The following DLG1 variants were observed in gnomAD, a reference collection of about 807,000 sequenced individuals.
The protein encoded by DLG1 is discs large MAGUK scaffold protein 1.
Under a neutral mutation model 123.4 loss-of-function variants are expected in DLG1, and 42 were observed. The ratio of observed to expected loss-of-function variants is 0.34; its 90% CI spans 0.27 to 0.44. The LOEUF is 0.44. Among genes scored for constraint, DLG1 ranks in the 20% least tolerant of loss-of-function variants. The pLI is 1.00. For missense variants in DLG1, 942 were observed against 1,082.6 expected (o/e 0.87, Z 1.82); for synonymous variants, 317 against 356.2 (o/e 0.89, Z 1.24).
intron 13 of DLG1, among the ~76,000 whole-genome samples, chr3:197,111,677 T>G (rs575037478): frequency 1.3e-5 from 2 of 152,230 alleles, no homozygotes; most frequent in East Asian, 1.9e-4. Context: ...TGTTCAACTG[T>G]GCACTTCTAT....
chr3:197,234,957 T>C lies in DLG1; in HGVS notation c.319-40368A>G, dbSNP rs185496096. 3.7e-3 allele frequency among the ~76,000 whole-genome samples: 561 copies of C among 152,050 alleles called. 4 individuals are homozygous for C. The highest frequency in any genetic ancestry group is 0.012 in the African/African-American group (492 of 41,468). On this transcript the variant is annotated intron_variant, in intron 4 of 24. Transcript: ENST00000667157. ...AAATCTATTGTGAAATTAAACAGGA[T>C]CTAAATAAACAAAATATGAAAAAAC...
chr3:197,113,182 G>A (rs1771074099), intron 13 of DLG1, among the ~76,000 whole-genome samples: 1 of 152,030 alleles, frequency 6.6e-6, no homozygotes, highest in Non-Finnish European at 1.5e-5. Context: ...TGGCCCTCTG[G>A]TACTATTTAA....
chr3:197,254,927 G>A (rs1756127359), intron 4 of DLG1, among the ~76,000 whole-genome samples: 1 of 151,890 alleles, frequency 6.6e-6, no homozygotes. Flanking sequence ...GTGGTGGCAC[G>A]TGCTTGTAAT....
chr3:197,047,931 C>T (rs554532438), intron 24 of DLG1, among the ~76,000 whole-genome samples: 1 of 152,204 alleles, frequency 6.6e-6, no homozygotes, highest in Non-Finnish European at 1.5e-5. Context: ...AAAAAATCTA[C>T]ACAGCAAAGG....
chr3:197,209,619 G>C lies in DLG1; in HGVS notation c.319-15030C>G, dbSNP rs1464550346. Reference sequence around the variant, plus strand: ...TTTGCCAATACAGACCATATGCTAGGCCACAAAACAAGTCACAAATTTAAA... The same window carrying C: ...TTTGCCAATACAGACCATATGCTAGCCCACAAAACAAGTCACAAATTTAAA... On this transcript the variant is annotated intron_variant, in intron 4 of 24. Transcript: ENST00000667157. Among the ~76,000 whole-genome samples the C allele has an allele frequency of 1.4e-5, 2 of 146,352 alleles. 1 individual carries two copies. The highest frequency in any genetic ancestry group is 3.1e-5 in the Non-Finnish European group (2 of 65,126).
chr3:197,145,957 TCCA>T (rs1456309982), intron 6 of DLG1, among the ~76,000 whole-genome samples: 4 of 151,480 alleles, frequency 2.6e-5, no homozygotes, highest in Non-Finnish European at 4.4e-5. Flanking sequence ...GCTACTGTAC[TCCA>T]ACCTGGGCAA....
chr3:197,119,346 G>C, intron 12 of DLG1, 64 bp downstream of exon 12: 1 of 1,415,048 alleles, frequency 7.1e-7, no homozygotes, highest in African/African-American at 1.4e-5. Flanking sequence ...TATCTTACAT[G>C]GCTGATTAAA....
At position 197,194,533 on chromosome 3, in the gene DLG1, GATTTGTGGGGAA is replaced by G. The variant is rs1479511896; in HGVS notation, c.363_374del (p.Ser122_Ile125del). On this transcript the variant is annotated inframe_deletion, in exon 5 of 25. Transcript: ENST00000667157. Reference sequence around the variant, plus strand: ...ATTCTGGACCTATCACTTCATTTGTGATTTGTGGGGAAATATGCTCTTGAGGAGGTGTATCTT... The same window carrying G: ...ATTCTGGACCTATCACTTCATTTGTGATATGCTCTTGAGGAGGTGTATCTT... 7.5e-6 allele frequency: 12 copies of G among 1,605,272 alleles called. No individual in the cohort carries two copies. The South Asian group carries it at 1.3e-4, about 18-fold the overall frequency.
In DLG1 at chr3:197,295,774, A is replaced by G. The variant is rs905646096; in HGVS notation, c.151+572T>C. 3.9e-5 allele frequency among the ~76,000 whole-genome samples: 6 copies of G among 152,214 alleles called. No homozygotes were observed. In the East Asian group the frequency reaches 5.8e-4, roughly 15 times the overall value. ...TCAATTAGTGGCAAAAGAACTCAGG[A>G]CTCTTATTTTTCCAGTTCTTTCAAA... On this transcript the variant is annotated intron_variant, in intron 3 of 24. Transcript: ENST00000667157.
intron 14 of DLG1, among the ~76,000 whole-genome samples, chr3:197,103,355 C>A (rs1227237034): frequency 6.6e-6 from 1 of 151,980 alleles, no homozygotes; most frequent in East Asian, 1.9e-4. Flanking sequence ...CGTAACCATA[C>A]CTAAAAAGTT....
chr3:197,097,729 C>T (rs576063064), intron 14 of DLG1, among the ~76,000 whole-genome samples: 12 of 151,548 alleles, frequency 7.9e-5, no homozygotes, highest in Non-Finnish European at 1.2e-4. Flanking sequence ...TACAGGCGTG[C>T]ACCACCACGC....
chr3:197,297,615 G>A (rs1778127175), intron 1 of DLG1: 10 of 1,011,496 alleles, frequency 9.9e-6, no homozygotes, highest in Non-Finnish European at 1.2e-5. Flanking sequence ...GCAGAGCGCT[G>A]AGAGGGGACC....
rs1353374887 is a variant in DLG1 at position 197,042,761 on chromosome 3, C to T, written c.*1862G>A. The T allele has an allele frequency of 6.6e-6, 1 of 152,230 alleles. No homozygotes were observed. The allele number at this position is 152,230 out of a possible 1,614,324, so 9.4% of individuals were successfully genotyped here. Reference sequence around the variant, plus strand: ...TTTCTATGTGGTTAACAACCTACGACATTTAGTCTAACAGCAGCACTGTGT... The same window carrying T: ...TTTCTATGTGGTTAACAACCTACGATATTTAGTCTAACAGCAGCACTGTGT... On this transcript the variant is annotated 3_prime_UTR_variant, in exon 25 of 25. Transcript: ENST00000667157.
At chr3:197,170,635 T>C (rs1803720887) in intron 5 of DLG1, among the ~76,000 whole-genome samples, 1 of 152,204 alleles carries the variant, frequency 6.6e-6, no homozygotes, top group African/African-American at 2.4e-5. Context: ...CGCCGGATAT[T>C]AGACCTTTTT....
At chr3:197,127,423 C>CAAAAA (rs34530877) in intron 11 of DLG1, among the ~76,000 whole-genome samples, 1 of 39,562 alleles carries the variant, frequency 2.5e-5, no homozygotes, top group Non-Finnish European at 4.2e-5. Context: ...ATTCTGTCTC[C>CAAAAA]AAAAAAAAAA....
intron 5 of DLG1, among the ~76,000 whole-genome samples, chr3:197,160,078 T>A (rs747332003): frequency 4.6e-4 from 70 of 152,192 alleles, no homozygotes; most frequent in Non-Finnish European, 8.7e-4. Flanking sequence ...AAGTGAAGTG[T>A]GCAGTTACAC....
intron 5 of DLG1, among the ~76,000 whole-genome samples, chr3:197,179,106 C>A (rs1808691639): frequency 6.6e-6 from 1 of 152,010 alleles, no homozygotes; most frequent in Admixed American, 6.6e-5. Flanking sequence ...AGAATAAGAC[C>A]AGGAATCAGG....
chr3:197,135,427 C>T (rs1239602838), intron 10 of DLG1, among the ~76,000 whole-genome samples: 1 of 152,190 alleles, frequency 6.6e-6, no homozygotes, highest in Non-Finnish European at 1.5e-5. Flanking sequence ...GCACGTCTCT[C>T]TCCTGCTGGC....
intron 1 of DLG1, chr3:197,298,031 C>T (rs1027403961): frequency 2.9e-6 from 2 of 689,072 alleles, no homozygotes; most frequent in South Asian, 6.4e-5. Context: ...CCCCGGCCCG[C>T]TCGCCCAGTT....
Sources: gnomAD v4.1 joint callset for allele counts (sites outside exome capture counted in the v4.1 genomes callset) on GRCh38, gnomAD v4.1.1 for gene constraint, MANE v1.5 for transcripts, NCBI Gene and HGNC (gene_info 2026-07-23, HGNC 2026-07-21) for gene names.